Variants in TEX36 observed in about 807,000 individuals in gnomAD.
TEX36 encodes testis-expressed protein 36.
In TEX36, 12 loss-of-function variants were observed where a neutral mutation model predicts 13.6. The observed-to-expected ratio is 0.88, with a 90% CI of 0.56 to 1.43. TEX36 has a LOEUF of 1.43. TEX36 is among the 40% of genes most tolerant of loss of function. The pLI, the probability that TEX36 is intolerant of heterozygous loss-of-function variation, is 0.00. For missense variants in TEX36, 224 were observed against 228.3 expected, an observed-to-expected ratio of 0.98 and a Z score of 0.12; for synonymous variants, 93 against 83.0, an observed-to-expected ratio of 1.12 and a Z score of -0.65.
At chr10:125,628,154 A>T (rs929951266) in intron 3 of TEX36, among the ~76,000 whole-genome samples, 1 of 152,274 alleles carries the variant, frequency 6.6e-6, no homozygotes, top group Non-Finnish European at 1.5e-5. Context: ...GTGGTGTTGT[A>T]GAATTCTGTC....
chr10:125,644,170 C>G (rs983669925), intron 3 of TEX36, among the ~76,000 whole-genome samples: 3 of 152,120 alleles, frequency 2.0e-5, no homozygotes, highest in African/African-American at 7.2e-5. Flanking sequence ...TACAAGAAAA[C>G]CTCTACAGGT....
At chr10:125,623,614 G>A (rs1357787433) in intron 3 of TEX36, among the ~76,000 whole-genome samples, 1 of 150,632 alleles carries the variant, frequency 6.6e-6, no homozygotes, top group African/African-American at 2.4e-5. Flanking sequence ...GTTAGTCCCT[G>A]ATCAACCAAA....
chr10:125,612,256 G>C (rs1238004012), intron 3 of TEX36, among the ~76,000 whole-genome samples: 1 of 138,594 alleles, frequency 7.2e-6, no homozygotes, highest in Non-Finnish European at 1.6e-5. Flanking sequence ...GCTAATTTTT[G>C]TATTTTTAGT....
chr10:125,669,047 C>T (rs1024252754), intron 1 of TEX36, among the ~76,000 whole-genome samples: 5 of 152,140 alleles, frequency 3.3e-5, no homozygotes, highest in Non-Finnish European at 5.9e-5. Flanking sequence ...AATCCCAACA[C>T]TTTGGGAGGC....
chr10:125,634,154 C>T (rs972766759), intron 3 of TEX36, among the ~76,000 whole-genome samples: 1 of 152,116 alleles, frequency 6.6e-6, no homozygotes, highest in Non-Finnish European at 1.5e-5. Context: ...TTGTTACATA[C>T]ATGATTTTTT....
At chr10:125,607,007 T>C (rs2133547957) in intron 3 of TEX36, among the ~76,000 whole-genome samples, 1 of 152,318 alleles carries the variant, frequency 6.6e-6, no homozygotes, top group East Asian at 1.9e-4. Flanking sequence ...CTAGGTATCA[T>C]ATTTATCAAA....
rs572068806 is a variant in TEX36 at position 125,611,403 on chromosome 10, C to G, written c.265-34529G>C. ...TTCAAATCCCTGCCAATTTCATAAC[C>G]TGAATAAATAAAAAGACATGCTATT... On this transcript the variant is annotated intron_variant, in intron 3 of 3. Transcript: ENST00000532135. Among the ~76,000 whole-genome samples the G allele has an allele frequency of 3.3e-5, 5 of 152,276 alleles. No individual in the cohort carries two copies. The South Asian group carries it at 1.0e-3, about 32-fold the overall frequency.
intron 3 of TEX36, among the ~76,000 whole-genome samples, chr10:125,594,824 G>T (rs1846062120): frequency 6.6e-6 from 1 of 152,162 alleles, no homozygotes; most frequent in Non-Finnish European, 1.5e-5. Context: ...TACAAAGAAA[G>T]CTGAATGAAG....
chr10:125,646,009 T>A (rs1467879266), intron 3 of TEX36, among the ~76,000 whole-genome samples: 2 of 152,126 alleles, frequency 1.3e-5, no homozygotes, highest in African/African-American at 2.4e-5. Context: ...AAAAATCAAA[T>A]ACACTTCTCA....
At chr10:125,647,312 T>C (rs1226150837) in intron 3 of TEX36, among the ~76,000 whole-genome samples, 1 of 132,728 alleles carries the variant, frequency 7.5e-6, no homozygotes, top group African/African-American at 3.7e-5. Context: ...AAAAATTTCA[T>C]TCATTTTACT....
chr10:125,577,878 G>A (rs1007865014), intron 3 of TEX36, among the ~76,000 whole-genome samples: 6 of 152,038 alleles, frequency 3.9e-5, no homozygotes, highest in East Asian at 1.9e-4. Flanking sequence ...TTTGGTTTCC[G>A]GGGGAATGTG....
At chr10:125,599,159 T>G (rs933958831) in intron 3 of TEX36, among the ~76,000 whole-genome samples, 1 of 152,158 alleles carries the variant, frequency 6.6e-6, no homozygotes, top group Admixed American at 6.5e-5. Context: ...TAAGGAAGAT[T>G]TGGAAAATGG....
At chr10:125,591,614 T>G (rs914496824) in intron 3 of TEX36, among the ~76,000 whole-genome samples, 6 of 152,264 alleles carry the variant, frequency 3.9e-5, no homozygotes, top group African/African-American at 1.4e-4. Context: ...CATGGTTCTC[T>G]CTACACTGAA....
intron 1 of TEX36, among the ~76,000 whole-genome samples, chr10:125,672,742 T>A (rs938431279): frequency 5.9e-5 from 9 of 152,232 alleles, no homozygotes; most frequent in African/African-American, 2.2e-4. Flanking sequence ...AGTCTCCCAC[T>A]ATTATTGTGG....
chr10:125,618,834 C>T (rs552705077), downstream of TEX36, among the ~76,000 whole-genome samples: 10 of 148,644 alleles, frequency 6.7e-5, no homozygotes, highest in South Asian at 4.4e-4. Flanking sequence ...TGGCCAGGCG[C>T]GGTGGCTCAC....
intron 3 of TEX36, among the ~76,000 whole-genome samples, chr10:125,632,503 C>A (rs1473477124): frequency 6.6e-6 from 1 of 152,098 alleles, no homozygotes; most frequent in Non-Finnish European, 1.5e-5. Context: ...GGGACTGGCC[C>A]ACAAAATGCG....
chr10:125,662,529 G>A (rs1298548176), intron 1 of TEX36, among the ~76,000 whole-genome samples: 4 of 152,106 alleles, frequency 2.6e-5, no homozygotes. Flanking sequence ...TGTGAAGCAA[G>A]AAAAATGAGG....
intron 1 of TEX36, among the ~76,000 whole-genome samples, chr10:125,668,752 C>T (rs1847168442): frequency 6.6e-6 from 1 of 152,128 alleles, no homozygotes; most frequent in Admixed American, 6.5e-5. Flanking sequence ...TTTTCTTCTG[C>T]TAATGCTGGG....
At chr10:125,613,534 G>T (rs1467962336) in intron 3 of TEX36, among the ~76,000 whole-genome samples, 1 of 145,708 alleles carries the variant, frequency 6.9e-6, no homozygotes, top group Non-Finnish European at 1.5e-5. Context: ...TGCGGTGTTT[G>T]GTTTTTTGTT....
Sources: gnomAD v4.1 joint callset for allele counts (sites outside exome capture counted in the v4.1 genomes callset) on GRCh38, gnomAD v4.1.1 for gene constraint, MANE v1.5 for transcripts, NCBI Gene and HGNC (gene_info 2026-07-23, HGNC 2026-07-21) for gene names.